The following NRXN1 variants were observed in gnomAD, a reference collection of about 807,000 sequenced individuals.
NRXN1 encodes neurexin 1.
A neutral mutation model predicts 150.9 loss-of-function variants in NRXN1; 39 were observed. That is an observed-to-expected ratio of 0.26 (90% CI 0.20 to 0.34). The LOEUF (loss-of-function observed/expected upper bound fraction) is 0.34, where lower values mean the gene tolerates loss of function less well. NRXN1 is among the 10% of genes least tolerant of loss of function. The pLI is 1.00. For missense variants in NRXN1, 1,815 were observed against 1,949.9 expected (o/e 0.93, Z 1.30); for synonymous variants, 924 against 757.0 (o/e 1.22, Z -3.62).
intron 18 of NRXN1, among the ~76,000 whole-genome samples, chr2:50,151,370 CA>C (rs201608021): frequency 6.6e-6 from 1 of 150,494 alleles, no homozygotes; most frequent in Non-Finnish European, 1.5e-5. Context: ...TCAGACTCTT[CA>C]AAAAAAAATC....
At chr2:50,320,283 C>CTTATATATATATACATATGT (rs1178411507) in intron 17 of NRXN1, among the ~76,000 whole-genome samples, 7 of 43,056 alleles carry the variant, frequency 1.6e-4, no homozygotes, top group Admixed American at 3.8e-4. Flanking sequence ...ATACCTCAAT[C>CTTATATATATATACATATGT]ATATATATAT....
At chr2:50,990,083 C>T (rs1311432410) in intron 2 of NRXN1, among the ~76,000 whole-genome samples, 1 of 151,908 alleles carries the variant, frequency 6.6e-6, no homozygotes, top group African/African-American at 2.4e-5. Context: ...TGATGTTGAG[C>T]ATCTTTTGCC....
At chr2:50,015,943 T>C (rs533230403) in intron 21 of NRXN1, among the ~76,000 whole-genome samples, 1 of 152,290 alleles carries the variant, frequency 6.6e-6, no homozygotes, top group African/African-American at 2.4e-5. Context: ...ACAGTATCCA[T>C]CAAAATACAG....
At chr2:50,149,036 A>G (rs1194900842) in intron 18 of NRXN1, among the ~76,000 whole-genome samples, 1 of 151,750 alleles carries the variant, frequency 6.6e-6, no homozygotes, top group Non-Finnish European at 1.5e-5. Context: ...GCATAGCATA[A>G]AGTAGTGAAA....
At chr2:50,272,528 G>A (rs1223473761) in intron 17 of NRXN1, among the ~76,000 whole-genome samples, 1 of 152,088 alleles carries the variant, frequency 6.6e-6, no homozygotes, top group Admixed American at 6.6e-5. Context: ...TGAGAATCTA[G>A]TTTCAATGAA....
intron 17 of NRXN1, among the ~76,000 whole-genome samples, chr2:50,457,594 A>T (rs1040785693): frequency 6.6e-6 from 1 of 152,164 alleles, no homozygotes; most frequent in Non-Finnish European, 1.5e-5. Flanking sequence ...ATACATAAAG[A>T]ACTCAAACAA....
chr2:50,520,695 T>C (rs2092762497), intron 12 of NRXN1, among the ~76,000 whole-genome samples: 1 of 151,972 alleles, frequency 6.6e-6, no homozygotes, highest in Admixed American at 6.6e-5. Context: ...ATATATTATT[T>C]TTAGCAGTAT....
chr2:50,708,245 T>A (rs1231573557), intron 5 of NRXN1, among the ~76,000 whole-genome samples: 5 of 152,166 alleles, frequency 3.3e-5, no homozygotes, highest in Non-Finnish European at 7.4e-5. Flanking sequence ...CACTCAAAAA[T>A]AAATGGATAA....
At chr2:50,877,959 A>G (rs1471849696) in intron 5 of NRXN1, among the ~76,000 whole-genome samples, 2 of 151,912 alleles carry the variant, frequency 1.3e-5, no homozygotes. Flanking sequence ...CCAAGATTTC[A>G]CATCCAACCA....
intron 2 of NRXN1, among the ~76,000 whole-genome samples, chr2:50,944,872 C>T (rs987136653): frequency 2.0e-5 from 3 of 152,170 alleles, no homozygotes; most frequent in African/African-American, 7.2e-5. Flanking sequence ...GTAATTAATG[C>T]ATAGGAATGC....
At chr2:51,024,261 G>C (rs962987497) in intron 2 of NRXN1, among the ~76,000 whole-genome samples, 3 of 152,150 alleles carry the variant, frequency 2.0e-5, no homozygotes, top group Admixed American at 2.0e-4. Context: ...ACTCAGGAAA[G>C]GTGACATTTT....
intron 19 of NRXN1, among the ~76,000 whole-genome samples, chr2:50,066,509 G>A (rs1028446675): frequency 6.6e-6 from 1 of 152,036 alleles, no homozygotes; most frequent in Admixed American, 6.6e-5. Context: ...AAATAATAAT[G>A]AGCTAAAAAT....
At chr2:50,853,696 G>A (rs1374178724) in intron 5 of NRXN1, among the ~76,000 whole-genome samples, 1 of 152,036 alleles carries the variant, frequency 6.6e-6, no homozygotes. Context: ...CTGCAACCAT[G>A]CATATCCCTT....
chr2:50,348,155 A>C (rs992106614), intron 17 of NRXN1, among the ~76,000 whole-genome samples: 4 of 152,206 alleles, frequency 2.6e-5, no homozygotes, highest in African/African-American at 9.7e-5. Flanking sequence ...TCTGCTAAAT[A>C]TGGCTTGATA....
chr2:50,861,380 C>T lies in NRXN1; in HGVS notation c.832+60489G>A, dbSNP rs1230990610. ...GGCATGCGCCACCACACCCAGCTGC[C>T]GTACTTTATTTAGTTTCAAACTCTA... On this transcript the variant is annotated intron_variant, in intron 5 of 22. Transcript: ENST00000401669. Among the ~76,000 whole-genome samples the T allele has an allele frequency of 3.3e-5, 5 of 151,952 alleles. No homozygotes were observed. In the East Asian group the frequency reaches 9.7e-4, roughly 29 times the overall value.
chr2:50,585,467 T>G (rs1401944822), intron 8 of NRXN1, among the ~76,000 whole-genome samples: 1 of 152,166 alleles, frequency 6.6e-6, no homozygotes, highest in Non-Finnish European at 1.5e-5. Flanking sequence ...GTGAATATAC[T>G]TAACGCTAAT....
chr2:50,951,489 C>A (rs1196081223), intron 2 of NRXN1, among the ~76,000 whole-genome samples: 1 of 152,114 alleles, frequency 6.6e-6, no homozygotes, highest in Non-Finnish European at 1.5e-5. Context: ...GTATTTTTGG[C>A]ACACCTTTAT....
At chr2:50,457,869 T>C (rs759804967) in intron 17 of NRXN1, among the ~76,000 whole-genome samples, 1 of 152,076 alleles carries the variant, frequency 6.6e-6, no homozygotes, top group Non-Finnish European at 1.5e-5. Flanking sequence ...GAGAAATGCT[T>C]GTACACTGCT....
chr2:50,300,388 G>A (rs1330881010), intron 17 of NRXN1, among the ~76,000 whole-genome samples: 1 of 152,164 alleles, frequency 6.6e-6, no homozygotes, highest in East Asian at 1.9e-4. Context: ...GAAAAACAGA[G>A]ATACTACAAA....
Sources: allele counts gnomAD v4.1 joint callset (sites outside exome capture counted in the v4.1 genomes callset), GRCh38; gene constraint gnomAD v4.1.1; transcripts MANE v1.5; gene names NCBI Gene and HGNC (gene_info 2026-07-23, HGNC 2026-07-21).